Variants in GNAS observed in about 807,000 individuals in gnomAD.
GNAS encodes the protein GNAS complex locus.
A neutral mutation model predicts 54.5 loss-of-function variants in GNAS; 8 were observed. The observed-to-expected ratio is 0.15, with a 90% CI of 0.09 to 0.26. The LOEUF is 0.26. Among genes scored for constraint, GNAS ranks in the 10% least tolerant of loss-of-function variants. The pLI is 1.00. For missense variants in GNAS, 170 were observed against 529.8 expected (o/e 0.32, Z 6.67); for synonymous variants, 204 against 191.4 (o/e 1.07, Z -0.54).
intron 1 of GNAS, among the ~76,000 whole-genome samples, chr20:58,882,694 T>C (rs1005260484): frequency 3.9e-5 from 6 of 152,182 alleles, no homozygotes; most frequent in African/African-American, 1.4e-4. Context: ...TATTAACTCT[T>C]TCAGGATTTC....
At position 58,910,214 on chromosome 20, in the gene GNAS, C is replaced by T; in HGVS notation, c.971-120C>T. On this transcript the variant is annotated intron_variant, in intron 11 of 12. Coordinates refer to ENST00000371085, the MANE Select transcript of GNAS (RefSeq NM_000516.7). The surrounding 1 kb of genome is among the most constrained non-coding windows in gnomAD (Gnocchi z 5.8). ...ATAAGAGAAGCAAGAAAAACGCACTCCCACTAATTCTCATATGGAAAAATC... is the reference window on the plus strand; with the variant it reads ...ATAAGAGAAGCAAGAAAAACGCACTTCCACTAATTCTCATATGGAAAAATC... The T allele has an allele frequency of 8.0e-7, 1 of 1,255,452 alleles. No homozygotes were observed. Among genetic ancestry groups the T allele is most frequent in the East Asian group, 2.3e-5 (1 of 43,276 alleles). The allele number at this position is 1,255,452 out of a possible 1,614,324, so 77.8% of individuals were successfully genotyped here.
chr20:58,891,569 C>T lies in GNAS; in HGVS notation c.-158C>T, dbSNP rs1019484743. On this transcript the variant is annotated 5_prime_UTR_variant, in exon 1 of 13. Coordinates refer to ENST00000371085, the MANE Select transcript of GNAS (RefSeq NM_000516.7). ...CCCGCCCGTCCGCGCGCCCCGCGGC[C>T]CGCGGCCCGCAGTCCGCCCCGCGCG... is the stretch of plus-strand genomic sequence containing the variant. 67 of 972,830 alleles carry T rather than the reference C, an allele frequency of 6.9e-5. No homozygotes were observed. The highest frequency in any genetic ancestry group is 7.8e-5 in the Non-Finnish European group (64 of 822,424). 60.3% of individuals were successfully genotyped at this position (972,830 alleles called of 1,614,324 possible). A position where few individuals can be genotyped will look rare whatever the true frequency, so the allele number is the denominator to read the frequency against.
chr20:58,891,907 T>TCGAAGGGCGCCCC (rs2089406317), intron 1 of GNAS, 42 bp downstream of exon 1: 1 of 980,138 alleles, frequency 1.0e-6, no homozygotes, highest in Non-Finnish European at 1.2e-6. Flanking sequence ...CCGGGGGCCC[T>TCGAAGGGCGCCCC]CGAAGGGCGC....
intron 2 of GNAS, 85 bp downstream of exon 2, chr20:58,895,769 G>T: frequency 1.2e-6 from 1 of 840,384 alleles, no homozygotes; most frequent in Non-Finnish European, 2.1e-6. Context: ...TGGGCTTTGG[G>T]GGCTGGGCAG....
intron 2 of GNAS, among the ~76,000 whole-genome samples, chr20:58,895,896 A>T (rs2090001182): frequency 6.6e-6 from 1 of 152,056 alleles, no homozygotes; most frequent in South Asian, 2.1e-4. Context: ...TACTGATGAA[A>T]GCACCAGTGT....
chr20:58,858,692 A>G (rs1964455500), intron 1 of GNAS, among the ~76,000 whole-genome samples: 1 of 152,220 alleles, frequency 6.6e-6, no homozygotes, highest in African/African-American at 2.4e-5. Context: ...TTATTTATAC[A>G]GTGAATCACA....
In GNAS at chr20:58,891,614, G is replaced by T. The variant is rs1428104485; in HGVS notation, c.-113G>T. 2.2e-5 allele frequency: 21 copies of T among 968,158 alleles called. No individual in the cohort carries two copies. The highest frequency in any genetic ancestry group is 3.7e-5 in the African/African-American group (2 of 53,892). The allele number at this position is 968,158 out of a possible 1,614,324, so 60.0% of individuals were successfully genotyped here. A position where few individuals can be genotyped will look rare whatever the true frequency, so the allele number is the denominator to read the frequency against. On this transcript the variant is annotated 5_prime_UTR_variant, in exon 1 of 13. Coordinates refer to ENST00000371085, the MANE Select transcript of GNAS (RefSeq NM_000516.7). ...CGCGCGCTCCTTGCCGAGGAGCCGAGCCCGCGCCCGGCCCGCCCGCCCGGC... is the reference window on the plus strand; with the variant it reads ...CGCGCGCTCCTTGCCGAGGAGCCGATCCCGCGCCCGGCCCGCCCGCCCGGC...
chr20:58,853,170 A>T lies in GNAS; in HGVS notation c.43+12284A>T. On this transcript the variant is annotated intron_variant, in intron 1 of 12. Transcript: ENST00000306090. The surrounding 1 kb of genome is among the most constrained non-coding windows in gnomAD (Gnocchi z 4.4). ...GGTGAACTTTCCAGCTGGTACTTTG[A>T]TTTTAAAATAATAATAATAATTTTT... 6.9e-7 allele frequency: 1 copy of T among 1,442,612 alleles called. No homozygotes were observed. Among genetic ancestry groups the T allele is most frequent in the South Asian group, 1.5e-5 (1 of 65,170 alleles). 89.4% of individuals were successfully genotyped at this position (1,442,612 alleles called of 1,614,324 possible).
chr20:58,897,643 A>G (rs2090190758), intron 2 of GNAS: 1 of 152,218 alleles, frequency 6.6e-6, no homozygotes, highest in Admixed American at 6.5e-5. Flanking sequence ...AGGGTTTTAA[A>G]CCAGAACTTC....
In GNAS at chr20:58,853,272, G is replaced by T. The variant is rs781303953; in HGVS notation, c.43+12386G>T. On this transcript the variant is annotated intron_variant, in intron 1 of 12. Coordinates refer to the GNAS transcript ENST00000306090. This position sits in a 1 kb window ranked among gnomAD's most constrained non-coding sequence, Gnocchi z 4.4. ...GAGAGGCCGCCACCGTGTTATGGGC[G>T]TGCGCAACTGCCTCTACGGCAATAA... is the stretch of plus-strand genomic sequence containing the variant. 4 of 1,546,080 alleles carry T rather than the reference G, an allele frequency of 2.6e-6. No individual in the cohort carries two copies. The African/African-American group carries it at 4.1e-5, about 16-fold the overall frequency.
intron 1 of GNAS, among the ~76,000 whole-genome samples, chr20:58,868,920 C>A (rs2087246327): frequency 6.6e-6 from 1 of 152,186 alleles, no homozygotes. Flanking sequence ...CGATTGACAG[C>A]CTGGCTTTCA....
chr20:58,841,569 G>A lies in GNAS; in HGVS notation c.43+683G>A. The A allele has an allele frequency of 1.0e-6, 1 of 1,002,068 alleles. No homozygotes were observed. Among genetic ancestry groups the A allele is most frequent in the Non-Finnish European group, 1.2e-6 (1 of 841,512 alleles). 62.1% of individuals were successfully genotyped at this position (1,002,068 alleles called of 1,614,324 possible). A position where few individuals can be genotyped will look rare whatever the true frequency, so the allele number is the denominator to read the frequency against. On this transcript the variant is annotated intron_variant, in intron 1 of 12. Coordinates refer to the GNAS transcript ENST00000306090. The surrounding 1 kb of genome is among the most constrained non-coding windows in gnomAD (Gnocchi z 5.0). ...CCTTGGCCGCCACAGCCCGCCTCCC[G>A]TCGCTCGCGGGACAGAGACCGCCTC... is the stretch of plus-strand genomic sequence containing the variant.
In GNAS at chr20:58,855,535, C is replaced by G. The variant is rs996015653; in HGVS notation, c.43+14649C>G. 1.7e-5 allele frequency: 12 copies of G among 721,272 alleles called. No homozygotes were observed. In the African/African-American group the frequency reaches 1.9e-4, roughly 12 times the overall value. The allele number at this position is 721,272 out of a possible 1,614,324, so 44.7% of individuals were successfully genotyped here. A position where few individuals can be genotyped will look rare whatever the true frequency, so the allele number is the denominator to read the frequency against. On this transcript the variant is annotated intron_variant, in intron 1 of 12. Transcript: ENST00000306090. ...GGGATCTTTGGTGGATTCGGGTGGC[C>G]GAAGTATATGCCCTCCAGGGAGAAA...
intron 3 of GNAS, among the ~76,000 whole-genome samples, chr20:58,902,725 C>CT (rs60022134): frequency 0.014 from 937 of 69,366 alleles, 134 homozygotes; most frequent in African/African-American, 0.035. Context: ...GCACATACGA[C>CT]TTTTTTTTTT....
chr20:58,893,941 G>A (rs1436115707), intron 1 of GNAS, among the ~76,000 whole-genome samples: 1 of 152,210 alleles, frequency 6.6e-6, no homozygotes, highest in Non-Finnish European at 1.5e-5. Flanking sequence ...AAGTGTCCTA[G>A]TCTATATGAC....
intron 1 of GNAS, chr20:58,854,631 G>C (rs1376478543): frequency 1.3e-6 from 2 of 1,534,996 alleles, no homozygotes; most frequent in African/African-American, 1.4e-5. Flanking sequence ...TCCCGACTCC[G>C]GGGCGGCCCC....
chr20:58,844,056 A>C (rs546275857), intron 1 of GNAS: 1 of 152,350 alleles, frequency 6.6e-6, no homozygotes, highest in South Asian at 2.1e-4. Flanking sequence ...GGAGGAAGAA[A>C]GCTGAAACTT....
chr20:58,894,496 A>G (rs1426990075), intron 1 of GNAS, among the ~76,000 whole-genome samples: 1 of 152,236 alleles, frequency 6.6e-6, no homozygotes, highest in Non-Finnish European at 1.5e-5. Flanking sequence ...ACAAAACAAT[A>G]CAATTAAAAG....
intron 1 of GNAS, among the ~76,000 whole-genome samples, chr20:58,879,326 T>C (rs562202994): frequency 4.6e-5 from 7 of 152,362 alleles, no homozygotes; most frequent in Middle Eastern, 3.4e-3. Flanking sequence ...AGCTTTGCTC[T>C]GGTCAATATC....
Sources: gnomAD v4.1 joint callset for allele counts (sites outside exome capture counted in the v4.1 genomes callset) on GRCh38, gnomAD v4.1.1 for gene constraint, Gnocchi (gnomAD v3.1) non-coding constraint, MANE v1.5 for transcripts, NCBI Gene and HGNC (gene_info 2026-07-23, HGNC 2026-07-21) for gene names.